Variants in UNC13C observed in about 807,000 individuals in gnomAD.
UNC13C encodes unc-13 homolog C, also known as protein unc-13 homolog C.
UNC13C carries 174 observed loss-of-function variants against 245.4 expected under a neutral mutation model. The observed-to-expected ratio is 0.71, with a 90% CI of 0.63 to 0.80. The LOEUF is 0.80. Ranked by LOEUF, UNC13C falls within the 30% of genes least tolerant of loss-of-function variation. The pLI, the probability that UNC13C is intolerant of heterozygous loss-of-function variation, is 0.00. For synonymous variants in UNC13C, 992 were observed against 895.1 expected, an observed-to-expected ratio of 1.11 and a Z score of -1.93; for missense variants, 2,829 against 2,602.9, an observed-to-expected ratio of 1.09 and a Z score of -1.89.
intron 4 of UNC13C, among the ~76,000 whole-genome samples, chr15:54,215,008 T>C (rs1401967856): frequency 6.6e-6 from 1 of 151,956 alleles, no homozygotes; most frequent in African/African-American, 2.4e-5. Context: ...TTTTTTGTTT[T>C]CTGTTCTGTA....
the UNC13C span, among the ~76,000 whole-genome samples, chr15:53,943,092 G>C: frequency 6.6e-6 from 1 of 152,142 alleles, no homozygotes; most frequent in African/African-American, 2.4e-5. Flanking sequence ...CACTGGAATT[G>C]ATTTGATATA....
chr15:54,422,376 T>C (rs1196962309), intron 19 of UNC13C, among the ~76,000 whole-genome samples: 1 of 152,056 alleles, frequency 6.6e-6, no homozygotes, highest in Non-Finnish European at 1.5e-5. Context: ...TATGATCCAT[T>C]AGCTCATAAC....
chr15:54,597,439 A>C (rs1276386622), intron 30 of UNC13C, among the ~76,000 whole-genome samples: 1 of 152,166 alleles, frequency 6.6e-6, no homozygotes, highest in Non-Finnish European at 1.5e-5. Flanking sequence ...GTTTCTGTGC[A>C]TGTAAGGGGT....
chr15:54,253,677 C>T (rs544383235), intron 8 of UNC13C, among the ~76,000 whole-genome samples: 13 of 152,254 alleles, frequency 8.5e-5, no homozygotes, highest in African/African-American at 2.6e-4. Context: ...ATTACGTTAA[C>T]ATAACGTGTA....
At chr15:53,862,221 G>A in the UNC13C span, among the ~76,000 whole-genome samples, 7 of 152,068 alleles carry the variant, frequency 4.6e-5, no homozygotes, top group African/African-American at 1.2e-4. Flanking sequence ...GCTTGTTCTC[G>A]TGGTCCAATA....
At chr15:53,941,834 TG>T in the UNC13C span, among the ~76,000 whole-genome samples, 1 of 152,026 alleles carries the variant, frequency 6.6e-6, no homozygotes, top group East Asian at 1.9e-4. Flanking sequence ...ATTAAAGAAA[TG>T]CAAATCAAAA....
At chr15:54,257,461 C>A (rs8036134) in intron 8 of UNC13C, among the ~76,000 whole-genome samples, 7,670 of 152,152 alleles carry the variant, frequency 0.05, 628 homozygotes, top group African/African-American at 0.17. Context: ...TATGCATATA[C>A]CAATAATGAG....
At chr15:54,530,401 A>G (rs375652133) in intron 25 of UNC13C, among the ~76,000 whole-genome samples, 3 of 152,220 alleles carry the variant, frequency 2.0e-5, no homozygotes, top group East Asian at 1.9e-4. Flanking sequence ...TATTTCCTGC[A>G]TAACCTCTTT....
At chr15:54,611,985 A>G (rs897407344) in intron 30 of UNC13C, among the ~76,000 whole-genome samples, 2 of 152,072 alleles carry the variant, frequency 1.3e-5, no homozygotes, top group Non-Finnish European at 2.9e-5. Context: ...CACTGATCAC[A>G]TGGATATCTC....
At chr15:54,615,260 A>G (rs982335197) in intron 30 of UNC13C, among the ~76,000 whole-genome samples, 1 of 152,012 alleles carries the variant, frequency 6.6e-6, no homozygotes, top group Middle Eastern at 3.2e-3. Flanking sequence ...TTCAGTTGTT[A>G]TTGACTATAG....
intron 28 of UNC13C, among the ~76,000 whole-genome samples, chr15:54,552,682 T>TA (rs1566905114): frequency 1.2e-5 from 1 of 84,642 alleles, no homozygotes; most frequent in Non-Finnish European, 2.0e-5. Flanking sequence ...TATAATATAA[T>TA]TATATAATTA....
intron 29 of UNC13C, 127 bp from the exon 30 acceptor site, chr15:54,567,673 A>G: frequency 1.2e-6 from 1 of 860,622 alleles, no homozygotes; most frequent in Non-Finnish European, 1.7e-6. Context: ...AAAATGATGG[A>G]ACCATTTTTT....
chr15:54,624,187 A>G (rs552503436), intron 32 of UNC13C, among the ~76,000 whole-genome samples: 47 of 152,024 alleles, frequency 3.1e-4, no homozygotes, highest in African/African-American at 1.1e-3. Context: ...GTGCACTCAT[A>G]TAAGTTACTT....
At chr15:54,568,903 C>CTTT (rs1566914813) in intron 30 of UNC13C, among the ~76,000 whole-genome samples, 19 of 151,564 alleles carry the variant, frequency 1.3e-4, no homozygotes, top group Non-Finnish European at 2.8e-4. Context: ...ACACTCTGTG[C>CTTT]TTTTTGATAC....
chr15:53,883,041 C>A, the UNC13C span, among the ~76,000 whole-genome samples: 1 of 151,852 alleles, frequency 6.6e-6, no homozygotes, highest in Non-Finnish European at 1.5e-5. Flanking sequence ...CGCACATGTA[C>A]CCCTGAACTT....
chr15:54,058,566 A>G, intron 2 of UNC13C, among the ~76,000 whole-genome samples: 1 of 152,190 alleles, frequency 6.6e-6, no homozygotes, highest in Non-Finnish European at 1.5e-5. Context: ...TTCTGAAACT[A>G]TTCCAATCAA....
Position 54,095,638 on chromosome 15 carries a change from G to A in UNC13C, c.2984-47380G>A, listed in dbSNP as rs904985183. On this transcript the variant is annotated intron_variant, in intron 2 of 32. Transcript: ENST00000260323. ...CCAGACCTACTGAATGGGAATCTGCGTTTTTACCTGGTGCCCAGGCGATTT... is the reference window on the plus strand; with the variant it reads ...CCAGACCTACTGAATGGGAATCTGCATTTTTACCTGGTGCCCAGGCGATTT... Among the ~76,000 whole-genome samples, 27 of 152,162 alleles carry A rather than the reference G, an allele frequency of 1.8e-4. 1 individual carries two copies. Among genetic ancestry groups the A allele is most frequent in the East Asian group, 3.9e-4 (2 of 5,188 alleles).
chr15:54,557,333 T>G (rs16974800), intron 29 of UNC13C, among the ~76,000 whole-genome samples: 9,284 of 151,922 alleles, frequency 0.061, 388 homozygotes, highest in Admixed American at 0.13. Flanking sequence ...TGCCTGCTAT[T>G]AGACTCTCTT....
chr15:54,268,260 A>G (rs1199644830), intron 10 of UNC13C, among the ~76,000 whole-genome samples: 2 of 151,846 alleles, frequency 1.3e-5, no homozygotes, highest in East Asian at 1.9e-4. Flanking sequence ...AGCCACTGTA[A>G]TTTTCATATT....
Sources: allele counts gnomAD v4.1 joint callset (sites outside exome capture counted in the v4.1 genomes callset), GRCh38; gene constraint gnomAD v4.1.1; transcripts MANE v1.5; gene names NCBI Gene and HGNC (gene_info 2026-07-23, HGNC 2026-07-21).